GABRB1: variants seen among roughly 807,000 people sequenced by gnomAD.
GABRB1 encodes the protein gamma-aminobutyric acid receptor subunit beta-1.
Under a neutral mutation model 51.6 loss-of-function variants are expected in GABRB1, and 17 were observed. The observed-to-expected ratio is 0.33, with a 90% CI of 0.23 to 0.49. The LOEUF is 0.49. Among genes scored for constraint, GABRB1 ranks in the 20% least tolerant of loss-of-function variants. GABRB1 has a pLI of 0.99. For missense variants in GABRB1, 410 were observed against 600.6 expected, an observed-to-expected ratio of 0.68 and a Z score of 3.32; for synonymous variants, 247 against 218.9, an observed-to-expected ratio of 1.13 and a Z score of -1.14.
chr4:47,136,608 T>C (rs1412369531), intron 3 of GABRB1, among the ~76,000 whole-genome samples: 2 of 152,166 alleles, frequency 1.3e-5, no homozygotes, highest in East Asian at 3.9e-4. Flanking sequence ...TAGCTGAAAC[T>C]ATAGGTTTAC....
intron 5 of GABRB1, among the ~76,000 whole-genome samples, chr4:47,327,496 G>T (rs1398452870): frequency 6.6e-6 from 1 of 152,050 alleles, no homozygotes; most frequent in South Asian, 2.1e-4. Flanking sequence ...GAATTTTTTT[G>T]TTGTTGTTTT....
At chr4:47,298,864 C>G (rs1211264368) in intron 4 of GABRB1, among the ~76,000 whole-genome samples, 8 of 152,014 alleles carry the variant, frequency 5.3e-5, no homozygotes, top group East Asian at 1.9e-4. Context: ...GTAACCAAAA[C>G]AGCATGGTAC....
chr4:47,205,788 A>G (rs1176228614), intron 4 of GABRB1, among the ~76,000 whole-genome samples: 1 of 152,106 alleles, frequency 6.6e-6, no homozygotes, highest in Admixed American at 6.6e-5. Flanking sequence ...GAAGGGAAGG[A>G]AATATCTTTG....
chr4:47,284,060 T>C (rs557080153), intron 4 of GABRB1, among the ~76,000 whole-genome samples: 2 of 133,432 alleles, frequency 1.5e-5, no homozygotes, highest in East Asian at 4.3e-4. Context: ...TCAGCGCCAC[T>C]GCACTCCAGC....
intron 4 of GABRB1, among the ~76,000 whole-genome samples, chr4:47,168,754 C>T (rs183562099): frequency 3.5e-4 from 53 of 152,170 alleles, no homozygotes; most frequent in African/African-American, 1.3e-3. Flanking sequence ...AGCAAAGTAC[C>T]ACAAACTGGA....
At chr4:47,052,872 A>G (rs772052934) in intron 3 of GABRB1, among the ~76,000 whole-genome samples, 9 of 152,230 alleles carry the variant, frequency 5.9e-5, no homozygotes, top group Non-Finnish European at 1.3e-4. Context: ...GCGAGCAAGC[A>G]AGCTGAGATG....
chr4:47,003,803 T>G (rs879390073), intron 1 of GABRB1, among the ~76,000 whole-genome samples: 3 of 152,238 alleles, frequency 2.0e-5, no homozygotes, highest in Non-Finnish European at 4.4e-5. Context: ...ATTTAATCTC[T>G]GACTTCCCTT....
At chr4:47,268,619 CA>C (rs1390124609) in intron 4 of GABRB1, among the ~76,000 whole-genome samples, 2 of 152,106 alleles carry the variant, frequency 1.3e-5, no homozygotes, top group African/African-American at 4.8e-5. Context: ...TGCATCCATT[CA>C]TTTGTAAGTA....
intron 4 of GABRB1, among the ~76,000 whole-genome samples, chr4:47,176,851 G>A (rs903618289): frequency 1.3e-5 from 2 of 152,142 alleles, no homozygotes; most frequent in Non-Finnish European, 2.9e-5. Flanking sequence ...ATGGGTCCAT[G>A]TGGTGGTAAC....
At chr4:47,228,494 C>A (rs774766325) in intron 4 of GABRB1, among the ~76,000 whole-genome samples, 3 of 151,940 alleles carry the variant, frequency 2.0e-5, no homozygotes, top group African/African-American at 7.2e-5. Context: ...ATGTAATAAT[C>A]TCTTTAATTT....
intron 3 of GABRB1, among the ~76,000 whole-genome samples, chr4:47,135,918 T>G (rs910022748): frequency 3.3e-5 from 5 of 152,188 alleles, no homozygotes; most frequent in African/African-American, 1.2e-4. Flanking sequence ...CTGTAATAGC[T>G]TCTTCTCTCT....
At chr4:47,039,185 T>A (rs1007602859) in intron 3 of GABRB1, among the ~76,000 whole-genome samples, 1 of 151,878 alleles carries the variant, frequency 6.6e-6, no homozygotes, top group Non-Finnish European at 1.5e-5. Flanking sequence ...GTGAGCCCAG[T>A]TACCCCTTTT....
At chr4:47,344,782 GCA>G (rs1363410856) in intron 5 of GABRB1, among the ~76,000 whole-genome samples, 7 of 152,158 alleles carry the variant, frequency 4.6e-5, no homozygotes, top group African/African-American at 1.7e-4. Context: ...GAGTGCTGTG[GCA>G]CAGTCTCAGC....
intron 5 of GABRB1, among the ~76,000 whole-genome samples, chr4:47,358,816 C>T (rs1726688389): frequency 6.6e-6 from 1 of 152,110 alleles, no homozygotes; most frequent in Non-Finnish European, 1.5e-5. Flanking sequence ...GTAAATGTAA[C>T]TTGATAGAAT....
At chr4:46,999,375 A>G (rs1724114146) in intron 1 of GABRB1, among the ~76,000 whole-genome samples, 1 of 152,200 alleles carries the variant, frequency 6.6e-6, no homozygotes, top group Non-Finnish European at 1.5e-5. Flanking sequence ...TGACCAAACC[A>G]TCTAATTTAA....
At chr4:47,133,984 G>A (rs1716532536) in intron 3 of GABRB1, among the ~76,000 whole-genome samples, 1 of 152,154 alleles carries the variant, frequency 6.6e-6, no homozygotes, top group Admixed American at 6.6e-5. Flanking sequence ...GAAAGTTTGG[G>A]AAAATACTAA....
intron 4 of GABRB1, among the ~76,000 whole-genome samples, chr4:47,260,301 T>C (rs1231005511): frequency 6.6e-6 from 1 of 152,186 alleles, no homozygotes; most frequent in Non-Finnish European, 1.5e-5. Flanking sequence ...CTGTGTCTTT[T>C]AATTGGAGCA....
intron 5 of GABRB1, among the ~76,000 whole-genome samples, chr4:47,370,486 C>CAA (rs34604260): frequency 0.51 from 71,071 of 140,576 alleles, 17,839 homozygotes; most frequent in Non-Finnish European, 0.56. Context: ...GACTCCATCT[C>CAA]AAAAAAAAAA....
chr4:47,124,940 C>A (rs1716046902), intron 3 of GABRB1, among the ~76,000 whole-genome samples: 1 of 151,664 alleles, frequency 6.6e-6, no homozygotes, highest in Non-Finnish European at 1.5e-5. Context: ...AAAATTTATT[C>A]AAAAAAATAA....
Sources: allele counts gnomAD v4.1 joint callset (sites outside exome capture counted in the v4.1 genomes callset), GRCh38; gene constraint gnomAD v4.1.1; transcripts MANE v1.5; gene names NCBI Gene and HGNC (gene_info 2026-07-23, HGNC 2026-07-21).